ARHGAP12: variants seen among roughly 807,000 people sequenced by gnomAD.
ARHGAP12 encodes the protein Rho GTPase activating protein 12, also known as rho GTPase-activating protein 12.
A neutral mutation model predicts 108.6 loss-of-function variants in ARHGAP12; 64 were observed. That is an observed-to-expected ratio of 0.59 (90% CI 0.48 to 0.73). The LOEUF (loss-of-function observed/expected upper bound fraction) is 0.73. Among genes scored for constraint, ARHGAP12 ranks in the 30% least tolerant of loss-of-function variants. The pLI is 0.00. For synonymous variants in ARHGAP12, 312 were observed against 337.2 expected (o/e 0.93, Z 0.82); for missense variants, 940 against 1,005.9 (o/e 0.93, Z 0.89).
At chr10:31,833,260 G>C (rs1272599642) in intron 9 of ARHGAP12, among the ~76,000 whole-genome samples, 1 of 151,192 alleles carries the variant, frequency 6.6e-6, no homozygotes, top group Non-Finnish European at 1.5e-5. Flanking sequence ...ACTTAAGCTA[G>C]GGAACTCAGC....
intron 3 of ARHGAP12, among the ~76,000 whole-genome samples, chr10:31,890,002 C>T (rs1838352715): frequency 6.6e-6 from 1 of 152,078 alleles, no homozygotes; most frequent in African/African-American, 2.4e-5. Flanking sequence ...TCCAACACTG[C>T]CTGTATATAC....
At chr10:31,835,695 T>C (rs924089594) in intron 9 of ARHGAP12, among the ~76,000 whole-genome samples, 1 of 152,160 alleles carries the variant, frequency 6.6e-6, no homozygotes, top group Non-Finnish European at 1.5e-5. Context: ...CAGTTAATTG[T>C]GTAATAATAA....
intron 3 of ARHGAP12, among the ~76,000 whole-genome samples, chr10:31,881,411 G>T (rs1031056301): frequency 2.6e-5 from 4 of 152,132 alleles, no homozygotes; most frequent in Non-Finnish European, 4.4e-5. Flanking sequence ...AAAGCAATAT[G>T]CAAAGTATAC....
chr10:31,807,114 A>T lies in ARHGAP12; in HGVS notation c.*544T>A, dbSNP rs1834845326. On this transcript the variant is annotated 3_prime_UTR_variant, in exon 20 of 20. Coordinates refer to ENST00000344936, the MANE Select transcript of ARHGAP12 (RefSeq NM_018287.7). ...CTGTGTAACACAGTAAAAGACAGCA[A>T]GCCTTCATCAAGGGGTTATTTTGGG... 1 of 152,684 alleles carries T rather than the reference A, an allele frequency of 6.5e-6. No individual in the cohort carries two copies. Among genetic ancestry groups the T allele is most frequent in the African/African-American group, 2.4e-5 (1 of 41,462 alleles). 9.5% of individuals were successfully genotyped at this position (152,684 alleles called of 1,614,324 possible). A position where few individuals can be genotyped will look rare whatever the true frequency, so the allele number is the denominator to read the frequency against.
chr10:31,820,675 A>C (rs1444100660), intron 11 of ARHGAP12, among the ~76,000 whole-genome samples, 187 bp from the exon 12 acceptor site: 1 of 149,730 alleles, frequency 6.7e-6, no homozygotes, highest in Non-Finnish European at 1.5e-5. Context: ...ATGAATACAC[A>C]ATTCACAGAA....
intron 3 of ARHGAP12, among the ~76,000 whole-genome samples, chr10:31,878,802 TA>T (rs1282375645): frequency 5.3e-5 from 8 of 152,214 alleles, no homozygotes; most frequent in African/African-American, 1.9e-4. Context: ...CTGGGCTCTT[TA>T]CAGAAAATGT....
At chr10:31,832,987 T>C (rs1835887864) in intron 9 of ARHGAP12, among the ~76,000 whole-genome samples, 1 of 152,172 alleles carries the variant, frequency 6.6e-6, no homozygotes, top group African/African-American at 2.4e-5. Flanking sequence ...GTTTGATATT[T>C]TTCGTAAGAA....
At chr10:31,847,338 T>C (rs900946964) in intron 6 of ARHGAP12, among the ~76,000 whole-genome samples, 6 of 152,190 alleles carry the variant, frequency 3.9e-5, no homozygotes, top group Non-Finnish European at 7.3e-5. Flanking sequence ...TATTTAAACA[T>C]ATTTTAGCAG....
At chr10:31,927,133 G>A (rs1840081118) in intron 1 of ARHGAP12, among the ~76,000 whole-genome samples, 1 of 152,036 alleles carries the variant, frequency 6.6e-6, no homozygotes. Flanking sequence ...ACATATGTGC[G>A]CAGACGGTCT....
In ARHGAP12 at chr10:31,814,313, C is replaced by G; in HGVS notation, c.1780G>C (p.Gly594Arg). 1 of 1,614,036 alleles carries G rather than the reference C, an allele frequency of 6.2e-7. No homozygotes were observed. ...GIEEEIPDSPGIEKHDKEKEQ... is the reference protein window; with the variant it reads ...GIEEEIPDSPRIEKHDKEKEQ... ...TTTTCTTTATCATGCTTTTCTATTC[C>G]TGGTGAATCCGGTATCTCCTCTTCA... Residue 594 changes from glycine to arginine, a missense_variant, in exon 14 of 20, where the codon GGA becomes CGA. Gly to Arg is a moderately radical substitution (Grantham distance 125, BLOSUM62 -2). Transcript: ENST00000344936.
At chr10:31,926,508 A>G (rs559425287) in intron 1 of ARHGAP12, among the ~76,000 whole-genome samples, 2 of 152,384 alleles carry the variant, frequency 1.3e-5, no homozygotes, top group East Asian at 1.9e-4. Context: ...TGTTAAATAC[A>G]GGACAAAAGT....
intron 1 of ARHGAP12, among the ~76,000 whole-genome samples, chr10:31,919,961 C>G (rs1183013284): frequency 8.6e-5 from 13 of 150,764 alleles, no homozygotes; most frequent in Non-Finnish European, 1.8e-4. Context: ...ACTAAAAATA[C>G]AAAAATTAGC....
chr10:31,866,668 T>A lies in ARHGAP12; in HGVS notation c.685-5010A>T, dbSNP rs577175575. On this transcript the variant is annotated intron_variant, in intron 3 of 19. Transcript: ENST00000344936. ...TTCGCTCTTGTTGCCCAGGCTGGAG[T>A]GTAATGGCACAATCTCGGATCACCA... Among the ~76,000 whole-genome samples the A allele has an allele frequency of 4.0e-5, 6 of 151,842 alleles. No homozygotes were observed. In the South Asian group the frequency reaches 8.3e-4, roughly 21 times the overall value.
chr10:31,906,022 T>C (rs1233469078), intron 3 of ARHGAP12, among the ~76,000 whole-genome samples: 1 of 152,134 alleles, frequency 6.6e-6, no homozygotes, highest in East Asian at 1.9e-4. Context: ...GATATGACAG[T>C]GGGCAATTTC....
chr10:31,905,468 C>T (rs1033278937), intron 3 of ARHGAP12, among the ~76,000 whole-genome samples: 4 of 152,056 alleles, frequency 2.6e-5, no homozygotes, highest in African/African-American at 9.7e-5. Flanking sequence ...GTGGTGGAGC[C>T]AGAAACCACA....
At chr10:31,918,356 CACA>C (rs1839651370) in intron 1 of ARHGAP12, among the ~76,000 whole-genome samples, 2 of 141,310 alleles carry the variant, frequency 1.4e-5, no homozygotes, top group Non-Finnish European at 3.1e-5. Context: ...CACACACACA[CACA>C]CCAATGAGAT....
At chr10:31,926,143 G>C (rs1416921623) in intron 1 of ARHGAP12, among the ~76,000 whole-genome samples, 1 of 152,132 alleles carries the variant, frequency 6.6e-6, no homozygotes, top group Non-Finnish European at 1.5e-5. Flanking sequence ...AATTTGAGAA[G>C]CACTAGATTA....
chr10:31,817,838 T>C lies in ARHGAP12; in HGVS notation c.1681A>G (p.Thr561Ala), dbSNP rs1210400059. ...TELLIQSDND[T>A]VINDWFKVLS... ...ACTTTAAACCAATCATTAATAACAG[T>C]GTCATTGTCAGACTGAATTAGCAGT... Residue 561 changes from threonine to alanine, a missense_variant, in exon 13 of 20, where the codon ACT becomes GCT. Coordinates refer to ENST00000344936, the MANE Select transcript of ARHGAP12 (RefSeq NM_018287.7). 2 of 1,612,486 alleles carry C rather than the reference T, an allele frequency of 1.2e-6. No homozygotes were observed. Among genetic ancestry groups the C allele is most frequent in the Admixed American group, 1.7e-5 (1 of 59,712 alleles).
At position 31,854,157 on chromosome 10, in the gene ARHGAP12, T is replaced by A. The variant is rs1322300495; in HGVS notation, c.998A>T (p.Asp333Val). The A allele has an allele frequency of 6.2e-7, 1 of 1,613,794 alleles. No individual in the cohort carries two copies. Among genetic ancestry groups the A allele is most frequent in the African/African-American group, 1.3e-5 (1 of 75,044 alleles). ...CCTTGGAGGAGAACCACACTGACTA[T>A]CTGACTGGCTGTAAGAAGTGCTGTA... is the stretch of plus-strand genomic sequence containing the variant. ...NYYSTSYSQS[D>V]SQCGSPPRGW... Residue 333 changes from aspartate (D) to valine (V), a missense_variant, in exon 5 of 20, where the codon GAT becomes GTT. Physicochemically the swap from Asp to Val is radical, Grantham distance 152. Transcript: ENST00000344936.
Sources: gnomAD v4.1 joint callset for allele counts (sites outside exome capture counted in the v4.1 genomes callset) on GRCh38, gnomAD v4.1.1 for gene constraint, MANE v1.5 for transcripts, NCBI Gene and HGNC (gene_info 2026-07-23, HGNC 2026-07-21) for gene names.